SPINK5: variants seen among roughly 807,000 people sequenced by gnomAD.
SPINK5 encodes serine peptidase inhibitor Kazal type 5.
SPINK5 carries 125 observed loss-of-function variants against 151.8 expected under a neutral mutation model. The observed-to-expected ratio is 0.82, with a 90% confidence interval of 0.71 to 0.96. The LOEUF is 0.96. SPINK5 is among the 40% of genes least tolerant of loss of function. SPINK5 has a pLI of 0.00. For missense variants in SPINK5, 1,194 were observed against 1,291.9 expected, an observed-to-expected ratio of 0.92 and a Z score of 1.16; for synonymous variants, 374 against 395.3, an observed-to-expected ratio of 0.95 and a Z score of 0.64.
In SPINK5 at chr5:148,101,419, A is replaced by T; in HGVS notation, c.1285A>T (p.Ser429Cys). ...GKSRNKRQSKSTASFEELCSE... is the reference protein window; with the variant it reads ...GKSRNKRQSKCTASFEELCSE... ...ATCAAGAAACAAAAGACAATCTAAGAGTACAGCTTCCTTTGAGGTGAGTTT... is the reference window on the plus strand; with the variant it reads ...ATCAAGAAACAAAAGACAATCTAAGTGTACAGCTTCCTTTGAGGTGAGTTT... Residue 429 changes from serine (S) to cysteine (C), a missense_variant, in exon 14 of 33, where the codon AGT (serine) becomes TGT (cysteine). Transcript: ENST00000256084. 1 of 1,611,314 alleles carries T rather than the reference A, an allele frequency of 6.2e-7. No individual in the cohort carries two copies. Among genetic ancestry groups the T allele is most frequent in the Non-Finnish European group, 8.5e-7 (1 of 1,177,558 alleles).
intron 31 of SPINK5, among the ~76,000 whole-genome samples, chr5:148,132,257 C>A (rs1010102122): frequency 6.6e-6 from 1 of 152,118 alleles, no homozygotes; most frequent in African/African-American, 2.4e-5. Context: ...GGTGACAAAC[C>A]TTGGTTTTCC....
chr5:148,095,719 A>C (rs2113096053), intron 9 of SPINK5, 99 bp from the exon 10 acceptor site: 1 of 1,035,020 alleles, frequency 9.7e-7, no homozygotes, highest in Admixed American at 1.9e-5. Flanking sequence ...TTTGTACTAA[A>C]ACTCAGGACA....
intron 20 of SPINK5, among the ~76,000 whole-genome samples, chr5:148,113,997 C>G (rs2113167494): frequency 1.3e-5 from 2 of 152,296 alleles, no homozygotes; most frequent in East Asian, 3.9e-4. Flanking sequence ...GAATAAAATA[C>G]AAAATCAATT....
chr5:148,121,159 A>AAG (rs1754252846), intron 26 of SPINK5, among the ~76,000 whole-genome samples: 3 of 150,722 alleles, frequency 2.0e-5, no homozygotes, highest in Non-Finnish European at 4.4e-5. Context: ...AAAAAAAAAA[A>AAG]AAAAAAAAGG....
At chr5:148,124,283 G>C (rs1389255615) in intron 27 of SPINK5, among the ~76,000 whole-genome samples, 1 of 152,106 alleles carries the variant, frequency 6.6e-6, no homozygotes, top group Non-Finnish European at 1.5e-5. Context: ...GGAGATTCAA[G>C]GACATTTTAA....
intron 6 of SPINK5, chr5:148,089,116 A>C (rs932978646): frequency 4.3e-6 from 2 of 463,776 alleles, no homozygotes; most frequent in Non-Finnish European, 4.3e-6. Context: ...CCTAATTTTC[A>C]AGGTCTGATG....
At chr5:148,094,317 G>T in intron 8 of SPINK5, 37 bp from the exon 9 acceptor site, 2 of 1,605,740 alleles carry the variant, frequency 1.2e-6, no homozygotes, top group South Asian at 2.2e-5. Flanking sequence ...ATCCTGAAAT[G>T]AAATGAAGTA....
chr5:148,112,159 A>G (rs1328660824), intron 19 of SPINK5, among the ~76,000 whole-genome samples: 1 of 152,214 alleles, frequency 6.6e-6, no homozygotes. Flanking sequence ...ATGGCATAAA[A>G]GGATTAGGAC....
intron 22 of SPINK5, among the ~76,000 whole-genome samples, chr5:148,117,027 T>C (rs1157108756): frequency 6.6e-6 from 1 of 152,226 alleles, no homozygotes; most frequent in Non-Finnish European, 1.5e-5. Context: ...GCATGTTTCT[T>C]GAGGCATTTT....
chr5:148,125,534 G>C, intron 28 of SPINK5, 189 bp from the exon 29 acceptor site: 1 of 1,613,826 alleles, frequency 6.2e-7, no homozygotes, highest in Non-Finnish European at 8.5e-7. Context: ...GACCAGTGCA[G>C]ACAGGTTCAG....
Position 148,133,849 on chromosome 5 carries a change from A to G in SPINK5, c.3148A>G (p.Ser1050Gly). The change falls in exon 32 of 33, where the codon AGC (serine) becomes GGC (glycine). Residue 1050 changes from serine (S) to glycine (G), a missense_variant. Ser to Gly is a moderately conservative substitution (Grantham distance 56). Coordinates refer to ENST00000256084, the MANE Select transcript of SPINK5 (RefSeq NM_006846.4). ...IRSTGKCEES[S>G]TPGTTAASMP... Reference sequence around the variant, plus strand: ...CAGTACAGGGAAGTGTGAGGAGAGCAGCACCCCAGGAACCACCGCAGCCAG... The same window carrying G: ...CAGTACAGGGAAGTGTGAGGAGAGCGGCACCCCAGGAACCACCGCAGCCAG... The G allele has an allele frequency of 1.2e-6, 2 of 1,614,086 alleles. No individual in the cohort carries two copies. The highest frequency in any genetic ancestry group is 1.7e-6 in the Non-Finnish European group (2 of 1,179,974).
chr5:148,116,254 C>T lies in SPINK5; in HGVS notation c.2016-116C>T, dbSNP rs932972981. On this transcript the variant is annotated intron_variant, in intron 21 of 32. Transcript: ENST00000256084. ...AGGCCTGCAGCATAGTAGATGTTAA[C>T]TCAATGCTCGATAATTCTGTACATA... 8 of 1,038,258 alleles carry T rather than the reference C, an allele frequency of 7.7e-6. 1 individual carries two copies. The African/African-American group carries it at 1.3e-4, about 16-fold the overall frequency. 64.3% of individuals were successfully genotyped at this position (1,038,258 alleles called of 1,614,324 possible). A position where few individuals can be genotyped will look rare whatever the true frequency, so the allele number is the denominator to read the frequency against.
intron 26 of SPINK5, among the ~76,000 whole-genome samples, chr5:148,123,392 A>G (rs1442217846): frequency 8.2e-6 from 1 of 122,196 alleles, no homozygotes; most frequent in Non-Finnish European, 1.6e-5. Context: ...GATTATATAT[A>G]TATATAGATA....
intron 7 of SPINK5, 146 bp downstream of exon 7, chr5:148,089,767 CTTCTT>C: frequency 8.3e-7 from 1 of 1,201,880 alleles, no homozygotes. Flanking sequence ...CACAGAAAGG[CTTCTT>C]TTCTTTTTCT....
chr5:148,066,595 T>A (rs1752591758), intron 2 of SPINK5, among the ~76,000 whole-genome samples: 1 of 152,168 alleles, frequency 6.6e-6, no homozygotes, highest in Admixed American at 6.5e-5. Flanking sequence ...CATCTAAGTT[T>A]ACTGATAGGG....
Position 148,094,422 on chromosome 5 carries a change from A to G in SPINK5, c.735A>G (p.Pro245=), listed in dbSNP as rs759859200. Residue 245 remains proline (P), a synonymous_variant, in exon 9 of 33, where the codon CCA becomes CCG. Transcript: ENST00000256084. The part of the protein sequence containing the change: ...GRLFCTRESD[P]VRGPDGRMHG... Reference sequence around the variant, plus strand: ...TTTTTTGTACACGGGAGAGTGATCCAGTCCGTGGCCCTGACGGCAGGATGC... The same window carrying G: ...TTTTTTGTACACGGGAGAGTGATCCGGTCCGTGGCCCTGACGGCAGGATGC... 3 of 1,612,902 alleles carry G rather than the reference A, an allele frequency of 1.9e-6. No homozygotes were observed. The highest frequency in any genetic ancestry group is 2.5e-6 in the Non-Finnish European group (3 of 1,179,182).
intron 4 of SPINK5, among the ~76,000 whole-genome samples, chr5:148,079,655 A>G (rs1458055513): frequency 6.6e-6 from 1 of 151,266 alleles, no homozygotes; most frequent in Non-Finnish European, 1.5e-5. Context: ...GCAAAACCAC[A>G]TGATTATCTT....
rs534129244 is a variant in SPINK5 at position 148,115,118 on chromosome 5, T to C, written c.2015+629T>C. Among the ~76,000 whole-genome samples the C allele has an allele frequency of 6.6e-5, 10 of 152,332 alleles. No homozygotes were observed. The East Asian group carries it at 1.9e-3, about 29-fold the overall frequency. On this transcript the variant is annotated intron_variant, in intron 21 of 32. Transcript: ENST00000256084. ...AATGAAAAATTTGTCTGTGGTATGTTACAGTACTTCAAGAAAGGGATAATT... is the reference window on the plus strand; with the variant it reads ...AATGAAAAATTTGTCTGTGGTATGTCACAGTACTTCAAGAAAGGGATAATT...
At chr5:148,130,409 T>C in intron 30 of SPINK5, among the ~76,000 whole-genome samples, 1 of 152,072 alleles carries the variant, frequency 6.6e-6, no homozygotes, top group East Asian at 1.9e-4. Context: ...GAGTACTTAC[T>C]TCTTAATATT....
Sources: gnomAD v4.1 joint callset for allele counts (sites outside exome capture counted in the v4.1 genomes callset) on GRCh38, gnomAD v4.1.1 for gene constraint, MANE v1.5 for transcripts, NCBI Gene and HGNC (gene_info 2026-07-23, HGNC 2026-07-21) for gene names.